The following TTC27 variants were observed in gnomAD, a reference collection of about 807,000 sequenced individuals.
TTC27 encodes the protein tetratricopeptide repeat protein 27.
Under a neutral mutation model 115.9 loss-of-function variants are expected in TTC27, and 79 were observed. That is an observed-to-expected ratio of 0.68 (90% confidence interval 0.57 to 0.82). The LOEUF (loss-of-function observed/expected upper bound fraction) is 0.82. Ranked by LOEUF, TTC27 falls within the 40% of genes least tolerant of loss-of-function variation. The pLI, the probability that TTC27 is intolerant of heterozygous loss-of-function variation, is 0.00. For synonymous variants in TTC27, 401 were observed against 356.0 expected (o/e 1.13, Z -1.42); for missense variants, 1,054 against 993.1 (o/e 1.06, Z -0.82).
chr2:32,734,270 G>C (rs148991222), intron 11 of TTC27, among the ~76,000 whole-genome samples: 1 of 152,156 alleles, frequency 6.6e-6, no homozygotes, highest in East Asian at 1.9e-4. Context: ...TCACGGGTGT[G>C]ATCATTGTGC....
intron 4 of TTC27, among the ~76,000 whole-genome samples, chr2:32,646,267 A>T (rs1372606787): frequency 1.3e-5 from 2 of 151,606 alleles, no homozygotes; most frequent in Non-Finnish European, 1.5e-5. Context: ...TGACCTCGTG[A>T]TCCACCTGCC....
intron 9 of TTC27, among the ~76,000 whole-genome samples, chr2:32,700,478 C>T (rs1311277371): frequency 6.6e-6 from 1 of 152,054 alleles, no homozygotes; most frequent in Non-Finnish European, 1.5e-5. Flanking sequence ...TGATGTGACC[C>T]GTTATGGGTA....
intron 5 of TTC27, among the ~76,000 whole-genome samples, chr2:32,656,722 G>C (rs1025074437): frequency 6.6e-6 from 1 of 152,170 alleles, no homozygotes; most frequent in Non-Finnish European, 1.5e-5. Context: ...TTACAAACTT[G>C]ATGTGTGAGG....
At chr2:32,635,995 T>TA (rs1262804421) in intron 3 of TTC27, among the ~76,000 whole-genome samples, 1 of 152,018 alleles carries the variant, frequency 6.6e-6, no homozygotes, top group African/African-American at 2.4e-5. Flanking sequence ...AAAATGGGAG[T>TA]AAAAAAACCC....
At chr2:32,780,993 T>C (rs1558340637) in intron 14 of TTC27, among the ~76,000 whole-genome samples, 1 of 152,206 alleles carries the variant, frequency 6.6e-6, no homozygotes, top group African/African-American at 2.4e-5. Flanking sequence ...AGGAGAAGGT[T>C]AGAAGTTTTA....
intron 10 of TTC27, among the ~76,000 whole-genome samples, chr2:32,709,725 G>C (rs1667511016): frequency 6.6e-6 from 1 of 152,140 alleles, no homozygotes; most frequent in Admixed American, 6.5e-5. Flanking sequence ...CTGTAGCTGA[G>C]GTGATGCTGA....
chr2:32,786,339 C>G (rs1428831420), intron 15 of TTC27, among the ~76,000 whole-genome samples: 2 of 152,042 alleles, frequency 1.3e-5, no homozygotes, highest in African/African-American at 4.8e-5. Context: ...GGGTTAGCCT[C>G]TGTTGGCCAG....
intron 2 of TTC27, among the ~76,000 whole-genome samples, chr2:32,633,286 A>C (rs1187425595): frequency 6.6e-6 from 1 of 152,228 alleles, no homozygotes; most frequent in Non-Finnish European, 1.5e-5. Context: ...GCCACACTTA[A>C]CTATTGAGCA....
At chr2:32,789,288 C>G (rs17012284) in intron 16 of TTC27, among the ~76,000 whole-genome samples, 2,144 of 152,238 alleles carry the variant, frequency 0.014, 43 homozygotes, top group African/African-American at 0.047. Flanking sequence ...GTTACAATAG[C>G]TGAAAAGGTA....
chr2:32,708,407 G>T (rs1667459772), intron 10 of TTC27, among the ~76,000 whole-genome samples: 1 of 146,840 alleles, frequency 6.8e-6, no homozygotes, highest in African/African-American at 2.5e-5. Context: ...CGCCTCCTGG[G>T]TTCAAGCGAT....
chr2:32,753,610 C>A (rs1403531498), intron 12 of TTC27, among the ~76,000 whole-genome samples: 3 of 151,888 alleles, frequency 2.0e-5, no homozygotes, highest in African/African-American at 7.3e-5. Context: ...CCACCGCGCC[C>A]ATATTTTTAT....
chr2:32,713,037 CT>C (rs1463141913), intron 10 of TTC27, among the ~76,000 whole-genome samples: 1 of 152,096 alleles, frequency 6.6e-6, no homozygotes, highest in East Asian at 1.9e-4. Context: ...GGTTAGGTTC[CT>C]GATAAAAGAA....
At chr2:32,744,284 C>T (rs1668744305) in intron 12 of TTC27, among the ~76,000 whole-genome samples, 1 of 152,184 alleles carries the variant, frequency 6.6e-6, no homozygotes, top group South Asian at 2.1e-4. Context: ...TGATTTTCCA[C>T]ACTTTTAATA....
At chr2:32,706,741 T>A (rs985282906) in intron 10 of TTC27, among the ~76,000 whole-genome samples, 1 of 152,008 alleles carries the variant, frequency 6.6e-6, no homozygotes, top group Non-Finnish European at 1.5e-5. Context: ...ATTTTGTATT[T>A]TTAGTAGAGA....
intron 8 of TTC27, among the ~76,000 whole-genome samples, chr2:32,674,769 TC>T (rs1666137728): frequency 6.6e-6 from 1 of 151,982 alleles, no homozygotes; most frequent in East Asian, 1.9e-4. Context: ...ATGCCATTCT[TC>T]TGCGTCAGCC....
rs1158508588 is a variant in TTC27 at position 32,708,304 on chromosome 2, G to GTTTTTTTTTTTT, written c.1233+5395_1233+5406dup. 6.8e-4 allele frequency among the ~76,000 whole-genome samples: 42 copies of GTTTTTTTTTTTT among 61,352 alleles called. 5 individuals are homozygous for GTTTTTTTTTTTT. Among genetic ancestry groups the GTTTTTTTTTTTT allele is most frequent in the African/African-American group, 9.1e-4 (14 of 15,356 alleles). The allele number at this position is 61,352 out of a possible 152,430, so 40.2% of individuals were successfully genotyped here. A position where few individuals can be genotyped will look rare whatever the true frequency, so the allele number is the denominator to read the frequency against. On this transcript the variant is annotated intron_variant, in intron 10 of 19. Transcript: ENST00000317907. ...AATAGCGTTTTCTTTTCTCTACCTTGTTTTTTTTTTTTTTTTTTTTTTAAT... is the reference window on the plus strand; with the variant it reads ...AATAGCGTTTTCTTTTCTCTACCTTGTTTTTTTTTTTTTTTTTTTTTTTTTTTTTTTTTTAAT...
chr2:32,735,272 A>G (rs1214385260), intron 11 of TTC27, among the ~76,000 whole-genome samples: 2 of 152,254 alleles, frequency 1.3e-5, no homozygotes, highest in Non-Finnish European at 2.9e-5. Context: ...TAGCTTCTTC[A>G]TCAAGAATGT....
At chr2:32,788,234 TA>T (rs148938304) in intron 16 of TTC27, among the ~76,000 whole-genome samples, 2 of 152,020 alleles carry the variant, frequency 1.3e-5, no homozygotes, top group South Asian at 2.1e-4. Flanking sequence ...TCTTTCATAT[TA>T]AAAAAAATGT....
intron 5 of TTC27, among the ~76,000 whole-genome samples, chr2:32,661,426 GT>G (rs1430974261): frequency 6.6e-6 from 1 of 152,082 alleles, no homozygotes; most frequent in Non-Finnish European, 1.5e-5. Flanking sequence ...CCATTTGTTT[GT>G]GCCCTCTCTT....
Sources: gnomAD v4.1 joint callset for allele counts (sites outside exome capture counted in the v4.1 genomes callset) on GRCh38, gnomAD v4.1.1 for gene constraint, MANE v1.5 for transcripts, NCBI Gene and HGNC (gene_info 2026-07-23, HGNC 2026-07-21) for gene names.